Variants in CSMD1 observed in about 807,000 individuals in gnomAD.
CSMD1 encodes the protein CUB and Sushi multiple domains 1.
CSMD1 carries 213 observed loss-of-function variants against 417.5 expected under a neutral mutation model. The observed-to-expected ratio is 0.51, with a 90% CI of 0.46 to 0.57. The LOEUF (loss-of-function observed/expected upper bound fraction) is 0.57. CSMD1 is among the 20% of genes least tolerant of loss of function. CSMD1 has a pLI of 0.00. For synonymous variants in CSMD1, 2,862 were observed against 1,736.8 expected, an observed-to-expected ratio of 1.65 and a Z score of -16.11; for missense variants, 6,923 against 4,529.7, an observed-to-expected ratio of 1.53 and a Z score of -15.17.
chr8:3,351,931 C>T (rs983667404), intron 21 of CSMD1, among the ~76,000 whole-genome samples: 38 of 151,870 alleles, frequency 2.5e-4, no homozygotes, highest in African/African-American at 8.7e-4. Context: ...TGTTTTCAGC[C>T]GTTATTTGTG....
chr8:3,846,769 G>T (rs1320328929), intron 5 of CSMD1, among the ~76,000 whole-genome samples: 2 of 152,016 alleles, frequency 1.3e-5, no homozygotes, highest in Non-Finnish European at 2.9e-5. Flanking sequence ...TGCCTCTCTG[G>T]TTCTAGCGAT....
At chr8:4,901,537 T>C (rs1804869893) in intron 1 of CSMD1, among the ~76,000 whole-genome samples, 1 of 151,730 alleles carries the variant, frequency 6.6e-6, no homozygotes, top group Admixed American at 6.6e-5. Context: ...AGAATTCATA[T>C]GATCTCCCCA....
At chr8:3,121,966 G>C (rs1294914155) in intron 41 of CSMD1, among the ~76,000 whole-genome samples, 2 of 152,034 alleles carry the variant, frequency 1.3e-5, no homozygotes, top group African/African-American at 4.8e-5. Context: ...ATATTATAGA[G>C]AATTAGCTGT....
rs545771264 is a variant in CSMD1, at chr8:3,252,767, A to T, written c.4154-22536T>A. 3.8e-3 allele frequency among the ~76,000 whole-genome samples: 580 copies of T among 152,282 alleles called. 3 individuals are homozygous for T. The highest frequency in any genetic ancestry group is 5.0e-3 in the Non-Finnish European group (341 of 68,022). On this transcript the variant is annotated intron_variant, in intron 26 of 69. Coordinates refer to ENST00000635120, the MANE Select transcript of CSMD1 (RefSeq NM_033225.6). ...CTGTTATTCGTCTCTTCAGAGATTC[A>T]ACTTCTTCCTCGTTTAGTCTTGGGA... is the stretch of plus-strand genomic sequence containing the variant.
At chr8:3,363,252 C>T (rs1809318058) in intron 20 of CSMD1, among the ~76,000 whole-genome samples, 1 of 152,152 alleles carries the variant, frequency 6.6e-6, no homozygotes, top group Admixed American at 6.5e-5. Flanking sequence ...TCTCCTCTGT[C>T]CCAGGTACTC....
chr8:3,226,632 T>G (rs140192165), intron 27 of CSMD1, among the ~76,000 whole-genome samples: 49 of 149,462 alleles, frequency 3.3e-4, no homozygotes, highest in African/African-American at 1.1e-3. Context: ...TACAGAATTC[T>G]CCTTCTAGAC....
At chr8:3,798,671 T>C (rs1024012942) in intron 5 of CSMD1, among the ~76,000 whole-genome samples, 1 of 152,114 alleles carries the variant, frequency 6.6e-6, no homozygotes, top group Non-Finnish European at 1.5e-5. Flanking sequence ...AGAAGATGCA[T>C]TTACACACAT....
chr8:4,215,912 G>C (rs563513487), intron 3 of CSMD1, among the ~76,000 whole-genome samples: 13 of 152,288 alleles, frequency 8.5e-5, no homozygotes, highest in Non-Finnish European at 1.6e-4. Context: ...CAAGAACAAA[G>C]AGAACGTGGA....
rs183844652 is a variant in CSMD1, at chr8:4,757,723, G to C, written c.86-120165C>G. On this transcript the variant is annotated intron_variant, in intron 1 of 69. Coordinates refer to ENST00000635120, the MANE Select transcript of CSMD1 (RefSeq NM_033225.6). ...TCTGTAATCCTATCACTTTGGGAGG[G>C]TGAGGCAAGCAGATCACTTGAGGCC... 2.5e-4 allele frequency among the ~76,000 whole-genome samples: 38 copies of C among 152,172 alleles called. 1 individual carries two copies. In the East Asian group the frequency reaches 7.0e-3, roughly 28 times the overall value.
chr8:3,201,677 G>A lies in CSMD1; in HGVS notation c.5033C>T (p.Ala1678Val), dbSNP rs1797000753. ...AYFQTALNDL[A>V]ELFDGTHAQA... ...TGCATGGGTTCCATCAAATAATTCT[G>A]CCAAATCATTCAGGGCTGTCTGGAA... Residue 1678 changes from alanine (A) to valine (V), a missense_variant, in exon 32 of 70, where the codon GCA (alanine) becomes GTA (valine). By Grantham distance (64) the Ala-to-Val change is moderately conservative. Transcript: ENST00000635120. 1 of 1,606,232 alleles carries A rather than the reference G, an allele frequency of 6.2e-7. No individual in the cohort carries two copies. The highest frequency in any genetic ancestry group is 8.5e-7 in the Non-Finnish European group (1 of 1,176,290).
intron 7 of CSMD1, among the ~76,000 whole-genome samples, chr8:3,703,811 C>T (rs1021031177): frequency 1.2e-4 from 19 of 152,274 alleles, no homozygotes; most frequent in African/African-American, 4.6e-4. Flanking sequence ...TGGCTCATGA[C>T]TGTAATCCCA....
chr8:3,716,883 A>T (rs368530089), intron 6 of CSMD1, among the ~76,000 whole-genome samples: 1 of 152,218 alleles, frequency 6.6e-6, no homozygotes, highest in African/African-American at 2.4e-5. Flanking sequence ...GTTTTAAAAA[A>T]TATTTTGTAC....
chr8:3,213,859 T>C (rs1311625739), intron 30 of CSMD1, among the ~76,000 whole-genome samples: 19 of 121,336 alleles, frequency 1.6e-4, no homozygotes, highest in East Asian at 3.1e-4. Context: ...TACATACACA[T>C]ATATATATAT....
chr8:4,458,049 T>C (rs1316076410), intron 2 of CSMD1, among the ~76,000 whole-genome samples: 3 of 152,080 alleles, frequency 2.0e-5, no homozygotes, highest in Non-Finnish European at 4.4e-5. Context: ...AAATTCCTTT[T>C]ACCCCTGAGG....
chr8:3,893,008 A>C (rs1807089696), intron 5 of CSMD1, among the ~76,000 whole-genome samples: 1 of 151,990 alleles, frequency 6.6e-6, no homozygotes, highest in African/African-American at 2.4e-5. Flanking sequence ...TTCAGTTTTC[A>C]CACTGAAAAT....
chr8:4,964,423 G>T (rs1435624747), intron 1 of CSMD1, among the ~76,000 whole-genome samples: 1 of 150,156 alleles, frequency 6.7e-6, no homozygotes, highest in Non-Finnish European at 1.5e-5. Flanking sequence ...GGAAGCTGAG[G>T]TGGGAGAATC....
chr8:4,408,810 A>G (rs1796485259), intron 3 of CSMD1, among the ~76,000 whole-genome samples: 1 of 152,210 alleles, frequency 6.6e-6, no homozygotes, highest in Non-Finnish European at 1.5e-5. Flanking sequence ...AAAAAATAGC[A>G]CAATAAAGGG....
In CSMD1 at chr8:3,181,167, G is replaced by C. The variant is rs758045572; in HGVS notation, c.5668C>G (p.Leu1890Val). 1.5e-5 allele frequency: 25 copies of C among 1,613,814 alleles called. No individual in the cohort carries two copies. The highest frequency in any genetic ancestry group is 2.1e-5 in the Non-Finnish European group (25 of 1,179,864). Residue 1890 changes from leucine (L) to valine (V), a missense_variant, in exon 37 of 70, where the codon CTG becomes GTG. By Grantham distance (32) the Leu-to-Val change is conservative. Coordinates refer to ENST00000635120, the MANE Select transcript of CSMD1 (RefSeq NM_033225.6). ...LLNSTSNQLYLHFQSDISVAA... is the reference protein window; with the variant it reads ...LLNSTSNQLYVHFQSDISVAA... ...ACACTAATGTCAGACTGGAAATGCA[G>C]GTAGAGTTGGTTGGAAGTACTGTTC...
At chr8:4,024,566 A>T (rs931407123) in intron 4 of CSMD1, among the ~76,000 whole-genome samples, 3 of 152,134 alleles carry the variant, frequency 2.0e-5, no homozygotes, top group Non-Finnish European at 4.4e-5. Context: ...TTAGTTTTTC[A>T]CCCTTATTAC....
Sources: gnomAD v4.1 joint callset for allele counts (sites outside exome capture counted in the v4.1 genomes callset) on GRCh38, gnomAD v4.1.1 for gene constraint, MANE v1.5 for transcripts, NCBI Gene and HGNC (gene_info 2026-07-23, HGNC 2026-07-21) for gene names.